Variants in UNC5C observed in about 807,000 individuals in gnomAD.
UNC5C encodes unc-5 netrin receptor C, also known as netrin receptor UNC5C.
UNC5C carries 47 observed loss-of-function variants against 99.8 expected under a neutral mutation model. The ratio of observed to expected loss-of-function variants is 0.47; its 90% CI spans 0.37 to 0.60. UNC5C has a LOEUF of 0.60. UNC5C is among the 20% of genes least tolerant of loss of function. The pLI is 0.00. For missense variants in UNC5C, 1,062 were observed against 1,165.9 expected (o/e 0.91, Z 1.30); for synonymous variants, 487 against 452.2 (o/e 1.08, Z -0.98).
chr4:95,507,492 A>G (rs938971946), intron 1 of UNC5C, among the ~76,000 whole-genome samples: 1 of 152,008 alleles, frequency 6.6e-6, no homozygotes, highest in Non-Finnish European at 1.5e-5. Flanking sequence ...GCTCTGCAAC[A>G]TTACAATTTC....
At chr4:95,248,942 A>ATT in intron 5 of UNC5C, among the ~76,000 whole-genome samples, 1 of 152,318 alleles carries the variant, frequency 6.6e-6, no homozygotes, top group South Asian at 2.1e-4. Flanking sequence ...TGACTCACCC[A>ATT]GAGCAACTTC....
chr4:95,542,482 C>G (rs1243105886), intron 1 of UNC5C, among the ~76,000 whole-genome samples: 2 of 152,234 alleles, frequency 1.3e-5, no homozygotes, highest in East Asian at 3.9e-4. Context: ...GTAACTTCAA[C>G]TTAATTAATG....
At chr4:95,537,048 C>T (rs565963788) in intron 1 of UNC5C, among the ~76,000 whole-genome samples, 16 of 152,258 alleles carry the variant, frequency 1.1e-4, no homozygotes, top group African/African-American at 3.9e-4. Flanking sequence ...CACCCCACTA[C>T]GGTTAAGAGT....
chr4:95,323,094 A>G (rs1308530102), intron 2 of UNC5C, among the ~76,000 whole-genome samples: 2 of 152,190 alleles, frequency 1.3e-5, no homozygotes, highest in Non-Finnish European at 2.9e-5. Flanking sequence ...GGGTTTGTAT[A>G]TAGAAAGATT....
chr4:95,254,659 C>G (rs1456503219), intron 4 of UNC5C, among the ~76,000 whole-genome samples: 2 of 152,188 alleles, frequency 1.3e-5, no homozygotes, highest in African/African-American at 4.8e-5. Context: ...GTAAGAACTT[C>G]AGGGGGTTAT....
chr4:95,375,665 C>T (rs903097234), intron 1 of UNC5C, among the ~76,000 whole-genome samples: 5 of 152,146 alleles, frequency 3.3e-5, no homozygotes, highest in African/African-American at 4.8e-5. Flanking sequence ...TAAGGCGAAA[C>T]GCAATATTCT....
intron 1 of UNC5C, among the ~76,000 whole-genome samples, chr4:95,466,160 T>C (rs1747770355): frequency 1.3e-5 from 2 of 152,200 alleles, no homozygotes; most frequent in African/African-American, 4.8e-5. Flanking sequence ...TCCCTGCAAA[T>C]GACAAGGTTC....
At chr4:95,481,573 C>T (rs1408842555) in intron 1 of UNC5C, among the ~76,000 whole-genome samples, 1 of 152,138 alleles carries the variant, frequency 6.6e-6, no homozygotes, top group South Asian at 2.1e-4. Context: ...GCCAAAAGAA[C>T]AAAACTGGAG....
intron 2 of UNC5C, among the ~76,000 whole-genome samples, chr4:95,325,829 C>T (rs1742862352): frequency 6.6e-6 from 1 of 152,158 alleles, no homozygotes; most frequent in Non-Finnish European, 1.5e-5. Context: ...GAAAACCTGA[C>T]ACAAGGCAAG....
Position 95,163,003 on chromosome 4 carries a change from C to T in UNC5C, c.*6231G>A, listed in dbSNP as rs1477686100. ...CTTTACAAAGAGCAAAGAGGAAGGT[C>T]ACCAACTTGCTTCAGCTCAACATTA... On this transcript the variant is annotated 3_prime_UTR_variant, in exon 16 of 16. Coordinates refer to ENST00000453304, the MANE Select transcript of UNC5C (RefSeq NM_003728.4). 6.6e-6 allele frequency: 1 copy of T among 152,166 alleles called. No individual in the cohort carries two copies. Among genetic ancestry groups the T allele is most frequent in the Non-Finnish European group, 1.5e-5 (1 of 68,056 alleles). 9.4% of individuals were successfully genotyped at this position (152,166 alleles called of 1,614,324 possible). A position where few individuals can be genotyped will look rare whatever the true frequency, so the allele number is the denominator to read the frequency against.
At chr4:95,445,724 A>G (rs1747081905) in intron 1 of UNC5C, among the ~76,000 whole-genome samples, 1 of 152,218 alleles carries the variant, frequency 6.6e-6, no homozygotes. Context: ...TATGCAAAAA[A>G]GCAATAAATG....
At chr4:95,523,175 TG>T (rs1722404522) in intron 1 of UNC5C, among the ~76,000 whole-genome samples, 1 of 152,202 alleles carries the variant, frequency 6.6e-6, no homozygotes, top group Non-Finnish European at 1.5e-5. Context: ...ACCAAGCCTC[TG>T]GACCCTCTGG....
chr4:95,481,472 C>T (rs1166156474), intron 1 of UNC5C, among the ~76,000 whole-genome samples: 1 of 151,940 alleles, frequency 6.6e-6, no homozygotes, highest in East Asian at 1.9e-4. Context: ...CCCCATCAAG[C>T]TACCAATGAC....
chr4:95,466,956 G>T (rs1190732877), intron 1 of UNC5C, among the ~76,000 whole-genome samples: 1 of 152,090 alleles, frequency 6.6e-6, no homozygotes, highest in African/African-American at 2.4e-5. Flanking sequence ...GGGTACTGTG[G>T]CTTCCTGCTT....
intron 1 of UNC5C, among the ~76,000 whole-genome samples, chr4:95,437,772 T>G (rs891570687): frequency 6.6e-6 from 1 of 152,088 alleles, no homozygotes; most frequent in Non-Finnish European, 1.5e-5. Flanking sequence ...TAAGGTCTCA[T>G]GCAATGGCAC....
chr4:95,290,001 A>G (rs969392409), intron 3 of UNC5C, among the ~76,000 whole-genome samples: 9 of 152,164 alleles, frequency 5.9e-5, no homozygotes, highest in African/African-American at 2.2e-4. Context: ...TATAAAGGTT[A>G]TAGAATATTT....
chr4:95,382,955 G>A (rs145474267), intron 1 of UNC5C, among the ~76,000 whole-genome samples: 1,760 of 152,196 alleles, frequency 0.012, 37 homozygotes, highest in African/African-American at 0.04. Flanking sequence ...TGTTGGTTTT[G>A]GGGTATCAAA....
chr4:95,242,028 T>C (rs1739343453), intron 7 of UNC5C, among the ~76,000 whole-genome samples: 1 of 152,190 alleles, frequency 6.6e-6, no homozygotes, highest in African/African-American at 2.4e-5. Flanking sequence ...TTACATCTAT[T>C]TTACACTCCA....
chr4:95,464,874 G>A (rs933967607), intron 1 of UNC5C, among the ~76,000 whole-genome samples: 3 of 152,142 alleles, frequency 2.0e-5, no homozygotes, highest in African/African-American at 7.2e-5. Flanking sequence ...ACATTTACTA[G>A]TTTTTAGAAC....
Sources: allele counts gnomAD v4.1 joint callset (sites outside exome capture counted in the v4.1 genomes callset), GRCh38; gene constraint gnomAD v4.1.1; transcripts MANE v1.5; gene names NCBI Gene and HGNC (gene_info 2026-07-23, HGNC 2026-07-21).